Variants in FAT4 observed in about 807,000 individuals in gnomAD.
FAT4 encodes the protein protocadherin Fat 4.
Under a neutral mutation model 303.9 loss-of-function variants are expected in FAT4, and 84 were observed. That is an observed-to-expected ratio of 0.28 (90% CI 0.23 to 0.33). The LOEUF is 0.33. FAT4 is among the 10% of genes least tolerant of loss of function. The pLI, the probability that FAT4 is intolerant of heterozygous loss-of-function variation, is 1.00. For synonymous variants in FAT4, 2,307 were observed against 2,298.8 expected (o/e 1.00, Z -0.10); for missense variants, 6,005 against 6,146.8 (o/e 0.98, Z 0.77).
chr4:125,380,886 G>T (rs1175820517), intron 2 of FAT4, among the ~76,000 whole-genome samples: 1 of 152,034 alleles, frequency 6.6e-6, no homozygotes, highest in African/African-American at 2.4e-5. Flanking sequence ...ATATTTCAGG[G>T]CAGGAAAACC....
At chr4:125,409,841 GT>G (rs1169924366) in intron 5 of FAT4, among the ~76,000 whole-genome samples, 2 of 152,106 alleles carry the variant, frequency 1.3e-5, no homozygotes, top group African/African-American at 4.8e-5. Flanking sequence ...ATTAGTACGT[GT>G]TTTTCCCTTA....
Position 125,479,793 on chromosome 4 carries a change from A to T in FAT4, c.12532A>T (p.Thr4178Ser), listed in dbSNP as rs1462388480. Residue 4178 changes from threonine (T) to serine (S), a missense_variant, in exon 15 of 18, where the codon ACA becomes TCA. Coordinates refer to ENST00000394329, the MANE Select transcript of FAT4 (RefSeq NM_001291303.3). ...CTRSPCQHGG[T>S]CMDYWSWQQC... The stretch of plus-strand genomic sequence containing the variant: ...TCGCAGCCCATGCCAACATGGTGGC[A>T]CATGTATGGATTACTGGTCATGGCA... 2 of 1,606,340 alleles carry T rather than the reference A, an allele frequency of 1.2e-6. No homozygotes were observed. The highest frequency in any genetic ancestry group is 3.3e-5 in the Admixed American group (2 of 59,974).
At chr4:125,455,810 G>A (rs1414610566) in intron 10 of FAT4, among the ~76,000 whole-genome samples, 1 of 152,198 alleles carries the variant, frequency 6.6e-6, no homozygotes, top group African/African-American at 2.4e-5. Flanking sequence ...AAGCCTATAA[G>A]ACAGTGTATT....
intron 16 of FAT4, among the ~76,000 whole-genome samples, chr4:125,485,713 C>A (rs1727385841): frequency 6.6e-6 from 1 of 152,182 alleles, no homozygotes; most frequent in South Asian, 2.1e-4. Flanking sequence ...GTAGTAAATG[C>A]ATAAACCACT....
At position 125,398,935 on chromosome 4, in the gene FAT4, G is replaced by T; in HGVS notation, c.5307+20G>T. The T allele has an allele frequency of 6.2e-7, 1 of 1,611,586 alleles. No homozygotes were observed. Among genetic ancestry groups the T allele is most frequent in the South Asian group, 1.1e-5 (1 of 90,822 alleles). On this transcript the variant is annotated intron_variant, in intron 3 of 17. Transcript: ENST00000394329. Reference sequence around the variant, plus strand: ...GATGAGGTAGCTCAAGCATGTCTCTGAATTTGTGAAACTTCGTAGTGCAGT... The same window carrying T: ...GATGAGGTAGCTCAAGCATGTCTCTTAATTTGTGAAACTTCGTAGTGCAGT...
At chr4:125,350,101 A>G (rs1732166264) in intron 2 of FAT4, among the ~76,000 whole-genome samples, 1 of 151,722 alleles carries the variant, frequency 6.6e-6, no homozygotes. Flanking sequence ...AATTTATATT[A>G]TGATTTCTCT....
chr4:125,432,618 T>C (rs571254917), intron 7 of FAT4, among the ~76,000 whole-genome samples: 1 of 151,724 alleles, frequency 6.6e-6, no homozygotes, highest in African/African-American at 2.4e-5. Context: ...GCATTTACAT[T>C]TTTTTTTAGT....
chr4:125,450,845 G>C lies in FAT4; in HGVS notation c.9835G>C (p.Glu3279Gln). ...TVKAFNVPDE[E>Q]RCSFATVNIQ... Reference sequence around the variant, plus strand: ...GAAAGCCTTCAATGTCCCCGATGAGGAAAGGTGTAGCTTTGCCACTGTTAA... The same window carrying C: ...GAAAGCCTTCAATGTCCCCGATGAGCAAAGGTGTAGCTTTGCCACTGTTAA... The change falls in exon 10 of 18, where the codon GAA becomes CAA. Residue 3279 changes from glutamate (E) to glutamine (Q), a missense_variant. Coordinates refer to ENST00000394329, the MANE Select transcript of FAT4 (RefSeq NM_001291303.3). 6.2e-7 allele frequency: 1 copy of C among 1,614,140 alleles called. No individual in the cohort carries two copies. Among genetic ancestry groups the C allele is most frequent in the African/African-American group, 1.3e-5 (1 of 75,044 alleles).
chr4:125,490,607 A>T lies in FAT4; in HGVS notation c.13791A>T (p.Glu4597Asp). The change falls in exon 18 of 18, where the codon GAA (glutamate) becomes GAT (aspartate). Residue 4597 changes from glutamate (E) to aspartate (D), a missense_variant. Coordinates refer to ENST00000394329, the MANE Select transcript of FAT4 (RefSeq NM_001291303.3). ...AAAACCCCTACCTTATCTATGATGA[A>T]ACTGATATTCCTCACAACTCAGAAA... is the stretch of plus-strand genomic sequence containing the variant. ...ERENPYLIYD[E>D]TDIPHNSETI... The T allele has an allele frequency of 6.2e-7, 1 of 1,614,140 alleles. No individual in the cohort carries two copies. The highest frequency in any genetic ancestry group is 1.1e-5 in the South Asian group (1 of 91,080).
chr4:125,404,987 C>G (rs1237639559), intron 3 of FAT4, among the ~76,000 whole-genome samples: 1 of 150,768 alleles, frequency 6.6e-6, no homozygotes, highest in African/African-American at 2.4e-5. Flanking sequence ...CCAGAAGTGT[C>G]TCAAATTCCT....
rs73849226 is a variant in FAT4 at position 125,450,838 on chromosome 4, C to T, written c.9828C>T (p.Pro3276=). 2.2e-4 allele frequency: 356 copies of T among 1,613,978 alleles called. 1 individual carries two copies. In the African/African-American group the frequency reaches 2.9e-3, roughly 13 times the overall value. The change falls in exon 10 of 18, where the codon CCC becomes CCT. Residue 3276 remains proline, a synonymous_variant. Coordinates refer to ENST00000394329, the MANE Select transcript of FAT4 (RefSeq NM_001291303.3). ...TTACTGTGAAAGCCTTCAATGTCCC[C>T]GATGAGGAAAGGTGTAGCTTTGCCA... The part of the protein sequence containing the change: ...YHLTVKAFNV[P]DEERCSFATV...
chr4:125,329,705 T>C (rs1731301446), intron 2 of FAT4, among the ~76,000 whole-genome samples: 1 of 152,156 alleles, frequency 6.6e-6, no homozygotes, highest in Non-Finnish European at 1.5e-5. Context: ...TTGATTAGCT[T>C]CCTAACTGAT....
chr4:125,388,530 G>A (rs1024957150), intron 2 of FAT4, among the ~76,000 whole-genome samples: 1 of 152,130 alleles, frequency 6.6e-6, no homozygotes, highest in Non-Finnish European at 1.5e-5. Flanking sequence ...CATTTGTAGG[G>A]TGTTTGTTTT....
intron 2 of FAT4, among the ~76,000 whole-genome samples, chr4:125,378,821 G>T (rs1173366598): frequency 6.6e-6 from 1 of 152,066 alleles, no homozygotes; most frequent in African/African-American, 2.4e-5. Flanking sequence ...AGAATAAAAA[G>T]AAAATTTTAA....
At chr4:125,385,770 A>G (rs1350501777) in intron 2 of FAT4, among the ~76,000 whole-genome samples, 2 of 152,132 alleles carry the variant, frequency 1.3e-5, no homozygotes, top group South Asian at 4.1e-4. Flanking sequence ...GATTTTGCAC[A>G]TTATTTTCTT....
At chr4:125,390,388 T>C (rs1472831264) in intron 2 of FAT4, among the ~76,000 whole-genome samples, 3 of 152,182 alleles carry the variant, frequency 2.0e-5, no homozygotes, top group Non-Finnish European at 4.4e-5. Flanking sequence ...GGTGGAGTTT[T>C]CCTTTTCAGG....
chr4:125,451,865 G>T lies in FAT4; in HGVS notation c.10855G>T (p.Val3619Leu), dbSNP rs1726091310. ...TGACAATCCTTCACAGTCTCGGACGGTGGAGATATTTGTTAATTATTATGG... is the reference window on the plus strand; with the variant it reads ...TGACAATCCTTCACAGTCTCGGACGTTGGAGATATTTGTTAATTATTATGG... Reference protein sequence around the residue: ...QNDNPSQSRTVEIFVNYYGNL... With the variant: ...QNDNPSQSRTLEIFVNYYGNL... The change falls in exon 10 of 18, where the codon GTG becomes TTG. Residue 3619 changes from valine to leucine, a missense_variant. Val to Leu is a conservative substitution (Grantham distance 32, BLOSUM62 1). Transcript: ENST00000394329. 1.9e-6 allele frequency: 3 copies of T among 1,613,936 alleles called. No individual in the cohort carries two copies. The highest frequency in any genetic ancestry group is 1.3e-5 in the African/African-American group (1 of 74,914).
intron 2 of FAT4, among the ~76,000 whole-genome samples, chr4:125,367,807 A>G (rs934312642): frequency 2.0e-5 from 3 of 152,182 alleles, no homozygotes; most frequent in African/African-American, 7.2e-5. Context: ...AAAGTACTGC[A>G]AAATAGTATA....
intron 2 of FAT4, among the ~76,000 whole-genome samples, chr4:125,347,212 A>G (rs1732038073): frequency 6.6e-6 from 1 of 150,496 alleles, no homozygotes; most frequent in African/African-American, 2.4e-5. Flanking sequence ...TATTATCATA[A>G]TATATAATAT....
Sources: gnomAD v4.1 joint callset for allele counts (sites outside exome capture counted in the v4.1 genomes callset) on GRCh38, gnomAD v4.1.1 for gene constraint, MANE v1.5 for transcripts, NCBI Gene and HGNC (gene_info 2026-07-23, HGNC 2026-07-21) for gene names.